The following TOX variants were observed in gnomAD, a reference collection of about 807,000 sequenced individuals.
The protein encoded by TOX is thymocyte selection-associated high mobility group box protein TOX.
In TOX, 11 loss-of-function variants were observed where a neutral mutation model predicts 53.7. That is an observed-to-expected ratio of 0.20 (90% confidence interval 0.13 to 0.34). TOX has a LOEUF of 0.34. Ranked by LOEUF, TOX falls within the 10% of genes least tolerant of loss-of-function variation. TOX has a pLI of 1.00. For synonymous variants in TOX, 225 were observed against 245.3 expected (o/e 0.92, Z 0.77); for missense variants, 570 against 664.6 (o/e 0.86, Z 1.56).
intron 1 of TOX, among the ~76,000 whole-genome samples, chr8:58,964,640 T>C (rs1812860285): frequency 6.6e-6 from 1 of 152,214 alleles, no homozygotes; most frequent in African/African-American, 2.4e-5. Flanking sequence ...GAAACCATCA[T>C]ATCAGAATCT....
intron 1 of TOX, among the ~76,000 whole-genome samples, chr8:58,984,980 A>G (rs1451954376): frequency 6.6e-6 from 1 of 151,052 alleles, no homozygotes; most frequent in African/African-American, 2.4e-5. Flanking sequence ...TATAATCAAA[A>G]GAATTGAAAA....
intron 1 of TOX, among the ~76,000 whole-genome samples, chr8:59,088,082 A>G (rs1382321899): frequency 3.3e-5 from 5 of 152,220 alleles, no homozygotes; most frequent in African/African-American, 1.2e-4. Flanking sequence ...TATTAAAAAA[A>G]CACATTTTTG....
chr8:58,940,163 A>G (rs549680419), intron 2 of TOX, among the ~76,000 whole-genome samples: 1 of 152,370 alleles, frequency 6.6e-6, no homozygotes, highest in East Asian at 1.9e-4. Context: ...AGTGAAGATT[A>G]CTTTTATGAT....
intron 1 of TOX, among the ~76,000 whole-genome samples, chr8:59,108,755 T>C (rs1161589330): frequency 6.6e-6 from 1 of 151,836 alleles, no homozygotes; most frequent in Non-Finnish European, 1.5e-5. Context: ...GAAAATGAGA[T>C]CTTGTTCACT....
At chr8:58,876,744 A>G (rs907217293) in intron 3 of TOX, among the ~76,000 whole-genome samples, 15 of 152,176 alleles carry the variant, frequency 9.9e-5, no homozygotes, top group African/African-American at 3.6e-4. Flanking sequence ...TAGAATAAAA[A>G]ACTTCTGTTT....
intron 6 of TOX, among the ~76,000 whole-genome samples, chr8:58,825,351 T>G (rs1287722770): frequency 2.0e-5 from 3 of 152,218 alleles, no homozygotes; most frequent in Non-Finnish European, 4.4e-5. Context: ...AGTGCTTGGT[T>G]TTTTAAATGT....
At chr8:59,012,456 T>C (rs893612407) in intron 1 of TOX, among the ~76,000 whole-genome samples, 1 of 151,216 alleles carries the variant, frequency 6.6e-6, no homozygotes, top group Admixed American at 6.6e-5. Flanking sequence ...ACAGAGAACC[T>C]GACCTGACCC....
chr8:59,025,166 C>T (rs868328952), intron 1 of TOX, among the ~76,000 whole-genome samples: 5 of 152,118 alleles, frequency 3.3e-5, no homozygotes, highest in Admixed American at 6.6e-5. Context: ...CCACTCAGTA[C>T]GCATCTGCAA....
At chr8:59,100,910 C>T (rs377333246) in intron 1 of TOX, among the ~76,000 whole-genome samples, 4 of 152,030 alleles carry the variant, frequency 2.6e-5, no homozygotes, top group South Asian at 2.1e-4. Flanking sequence ...AATATTTGCA[C>T]GATTAGAATT....
chr8:58,871,460 A>G (rs1356694599), intron 3 of TOX, among the ~76,000 whole-genome samples: 1 of 152,194 alleles, frequency 6.6e-6, no homozygotes, highest in Non-Finnish European at 1.5e-5. Flanking sequence ...ATAATGTGAC[A>G]AAAGAAGCTT....
At chr8:59,034,115 T>C (rs1442226925) in intron 1 of TOX, among the ~76,000 whole-genome samples, 3 of 152,188 alleles carry the variant, frequency 2.0e-5, no homozygotes, top group African/African-American at 7.2e-5. Context: ...TGAAAACCCT[T>C]CCTGCAATAT....
chr8:58,926,485 G>A (rs1812162095), intron 3 of TOX, among the ~76,000 whole-genome samples: 1 of 152,110 alleles, frequency 6.6e-6, no homozygotes, highest in Non-Finnish European at 1.5e-5. Context: ...AATTTCTTTG[G>A]CTTTTGTGAA....
chr8:59,113,081 T>C (rs971736797), intron 1 of TOX, among the ~76,000 whole-genome samples: 3 of 152,236 alleles, frequency 2.0e-5, no homozygotes, highest in African/African-American at 7.2e-5. Flanking sequence ...ACATTCCTGT[T>C]CTAGTTATCT....
intron 3 of TOX, among the ~76,000 whole-genome samples, chr8:58,897,590 A>G (rs974287318): frequency 1.2e-4 from 18 of 152,274 alleles, no homozygotes; most frequent in African/African-American, 4.3e-4. Flanking sequence ...AGATCCTGGC[A>G]ACTGTCAGTG....
intron 5 of TOX, among the ~76,000 whole-genome samples, chr8:58,829,893 T>C (rs767752755): frequency 6.6e-6 from 1 of 152,084 alleles, no homozygotes; most frequent in Non-Finnish European, 1.5e-5. Flanking sequence ...CCTCTAATGA[T>C]AGATAAAGAA....
chr8:58,984,782 C>CAAAAAAAAAAAAAAAA, intron 1 of TOX, among the ~76,000 whole-genome samples: 1 of 77,402 alleles, frequency 1.3e-5, no homozygotes, highest in Non-Finnish European at 2.4e-5. Context: ...GACTCCGTCT[C>CAAAAAAAAAAAAAAAA]AAAAAAAAAA....
In TOX at chr8:59,117,191, C is replaced by T. The variant is rs1225093161; in HGVS notation, c.102+1695G>A. ...TTTACTCTCCAAGATAGGGCTGCAA[C>T]TTTATTATTTTTTATTAGCAATAGT... On this transcript the variant is annotated intron_variant, in intron 1 of 8. Coordinates refer to ENST00000361421, the MANE Select transcript of TOX (RefSeq NM_014729.3). This position sits in a 1 kb window ranked among gnomAD's most constrained non-coding sequence, Gnocchi z 4.6. Among the ~76,000 whole-genome samples, 4 of 152,176 alleles carry T rather than the reference C, an allele frequency of 2.6e-5. No homozygotes were observed. Among genetic ancestry groups the T allele is most frequent in the African/African-American group, 4.8e-5 (2 of 41,442 alleles).
At chr8:58,997,577 T>C (rs1199652685) in intron 1 of TOX, among the ~76,000 whole-genome samples, 1 of 152,186 alleles carries the variant, frequency 6.6e-6, no homozygotes, top group East Asian at 1.9e-4. Context: ...TAGTTATTCC[T>C]TTGTCCCATT....
intron 1 of TOX, among the ~76,000 whole-genome samples, chr8:59,005,575 A>T (rs1421232564): frequency 6.6e-6 from 1 of 152,246 alleles, no homozygotes; most frequent in Non-Finnish European, 1.5e-5. Context: ...AGTAAGAGTT[A>T]TCACCATAAA....
Sources: allele counts gnomAD v4.1 joint callset (sites outside exome capture counted in the v4.1 genomes callset), GRCh38; gene constraint gnomAD v4.1.1; non-coding constraint Gnocchi (gnomAD v3.1); transcripts MANE v1.5; gene names NCBI Gene and HGNC (gene_info 2026-07-23, HGNC 2026-07-21).